The following GSN variants were observed in gnomAD, a reference collection of about 807,000 sequenced individuals.
GSN encodes the protein gelsolin, also known as actin-depolymerizing factor.
GSN carries 56 observed loss-of-function variants against 85.7 expected under a neutral mutation model. The observed-to-expected ratio is 0.65, with a 90% CI of 0.53 to 0.82. The LOEUF (loss-of-function observed/expected upper bound fraction) is 0.82, where lower values mean the gene tolerates loss of function less well. Among genes scored for constraint, GSN ranks in the 40% least tolerant of loss-of-function variants. The probability of loss-of-function intolerance (pLI) is 0.00; values close to 1 mark genes in which losing one functional copy is unlikely to be tolerated. For synonymous variants in GSN, 373 were observed against 399.1 expected (o/e 0.93, Z 0.78); for missense variants, 857 against 979.8 (o/e 0.87, Z 1.67).
rs1188923531 is a variant in GSN at position 121,326,526 on chromosome 9, A to G, written c.1431A>G (p.Gln477=). The change falls in exon 13 of 18, where the codon CAA becomes CAG. Residue 477 remains glutamine (Q), a synonymous_variant. Transcript: ENST00000432226. The stretch of plus-strand genomic sequence containing the variant: ...CTCCCTGCCAGAGCCGTGTGGTCCA[A>G]GGCAAGGAGCCCGCCCACCTCATGA... The part of the protein sequence containing the change: ...GGTPVQSRVV[Q]GKEPAHLMSL... 1 of 1,613,764 alleles carries G rather than the reference A, an allele frequency of 6.2e-7. No individual in the cohort carries two copies. Among genetic ancestry groups the G allele is most frequent in the Admixed American group, 1.7e-5 (1 of 60,016 alleles).
At position 121,321,312 on chromosome 9, in the gene GSN, C is replaced by T. The variant is rs2062415813; in HGVS notation, c.1236C>T (p.Ala412=). The T allele has an allele frequency of 1.9e-6, 3 of 1,613,678 alleles. No individual in the cohort carries two copies. The highest frequency in any genetic ancestry group is 2.2e-5 in the East Asian group (1 of 44,898). The change falls in exon 11 of 18, where the codon GCC becomes GCT. Residue 412 remains alanine (A), a synonymous_variant. Transcript: ENST00000432226. ...CCAACAAGGTGCCCGTGGACCCTGC[C>T]ACATATGGACAGTTCTATGGAGGCG... is the stretch of plus-strand genomic sequence containing the variant. ...EGSNKVPVDP[A]TYGQFYGGDS...
chr9:121,266,449 G>GC (rs1454069506), upstream of GSN, among the ~76,000 whole-genome samples: 1 of 152,190 alleles, frequency 6.6e-6, no homozygotes, highest in East Asian at 1.9e-4. Flanking sequence ...CTTGCATTGG[G>GC]CCCCAGGCAG....
At position 121,281,533 on chromosome 9, in the gene GSN, A is replaced by C. The variant is rs1399200747; in HGVS notation, c.-39A>C. 1 of 435,818 alleles carries C rather than the reference A, an allele frequency of 2.3e-6. No individual in the cohort carries two copies. Among genetic ancestry groups the C allele is most frequent in the South Asian group, 1.7e-5 (1 of 58,032 alleles). 27.0% of individuals were successfully genotyped at this position (435,818 alleles called of 1,614,324 possible). ...TGGTCCCAGCGCCTTCCCACGGAGC[A>C]GCACTCTTCACCCTGCACAGCCTTG... On this transcript the variant is annotated 5_prime_UTR_variant, in exon 2 of 18. Coordinates refer to ENST00000432226, the MANE Select transcript of GSN (RefSeq NM_198252.3).
At chr9:121,328,749 TG>T (rs2133925926) in intron 14 of GSN, 141 bp from the exon 15 acceptor site, 1 of 910,110 alleles carries the variant, frequency 1.1e-6, no homozygotes, top group South Asian at 1.4e-5. Context: ...CTCTTCCCTC[TG>T]GATCTCCTGG....
chr9:121,206,094 A>G (rs2053877167), upstream of GSN, among the ~76,000 whole-genome samples: 1 of 152,084 alleles, frequency 6.6e-6, no homozygotes, highest in East Asian at 1.9e-4. Context: ...GCAGTATTGA[A>G]GATTTAGAAG....
chr9:121,322,232 A>G (rs1225921467), intron 11 of GSN, among the ~76,000 whole-genome samples: 2 of 152,136 alleles, frequency 1.3e-5, no homozygotes, highest in Admixed American at 1.3e-4. Flanking sequence ...GAAAAAAAAT[A>G]CATATGCAAA....
At chr9:121,290,708 A>G (rs898487595) in intron 2 of GSN, among the ~76,000 whole-genome samples, 2 of 152,388 alleles carry the variant, frequency 1.3e-5, no homozygotes, top group Admixed American at 1.3e-4. Flanking sequence ...TCAATGACGA[A>G]AACTGCAATA....
At chr9:121,216,276 C>T (rs2054062433) in intron 4 of GSN, among the ~76,000 whole-genome samples, 1 of 152,168 alleles carries the variant, frequency 6.6e-6, no homozygotes, top group Admixed American at 6.5e-5. Context: ...GCCTCATGGA[C>T]CATCAGAGTG....
chr9:121,250,761 A>G (rs2054807972), intron 6 of GSN, among the ~76,000 whole-genome samples: 1 of 150,702 alleles, frequency 6.6e-6, no homozygotes, highest in Non-Finnish European at 1.5e-5. Flanking sequence ...CTGGTCTCGA[A>G]CTCCCGACCT....
At chr9:121,203,911 T>C (rs1051331391), upstream of GSN, among the ~76,000 whole-genome samples, 1 of 152,280 alleles carries the variant, frequency 6.6e-6, no homozygotes, top group Non-Finnish European at 1.5e-5. Context: ...CCTAGAGGTC[T>C]AGGCTTCTAT....
chr9:121,231,411 T>G (rs983953759), intron 5 of GSN: 3 of 152,216 alleles, frequency 2.0e-5, no homozygotes, highest in Non-Finnish European at 2.9e-5. Flanking sequence ...TACCAAGGAC[T>G]CTACACTTCA....
At chr9:121,208,989 G>A (rs1426372933) in intron 1 of GSN, among the ~76,000 whole-genome samples, 1 of 152,228 alleles carries the variant, frequency 6.6e-6, no homozygotes, top group Non-Finnish European at 1.5e-5. Context: ...CTCTATGCAG[G>A]ACTCTGAATA....
At chr9:121,295,055 G>A (rs143859814) in intron 2 of GSN, among the ~76,000 whole-genome samples, 5 of 152,252 alleles carry the variant, frequency 3.3e-5, no homozygotes, top group Non-Finnish European at 5.9e-5. Flanking sequence ...AATCTGTAAC[G>A]TTTCTCCCGC....
chr9:121,332,630 C>T lies in GSN; in HGVS notation c.*27C>T, dbSNP rs371549019. 16 of 1,593,858 alleles carry T rather than the reference C, an allele frequency of 1.0e-5. No individual in the cohort carries two copies. Among genetic ancestry groups the T allele is most frequent in the East Asian group, 6.7e-5 (3 of 44,550 alleles). ...GAGGGGCAGGGCCCACCCATGTCAC[C>T]GGTCAGTGCCTTTTGGAACTGTCCT... On this transcript the variant is annotated 3_prime_UTR_variant, in exon 18 of 18. Coordinates refer to ENST00000432226, the MANE Select transcript of GSN (RefSeq NM_198252.3). This position sits in a 1 kb window ranked among gnomAD's most constrained non-coding sequence, Gnocchi z 4.8.
At chr9:121,289,341 G>T (rs547300518) in intron 2 of GSN, among the ~76,000 whole-genome samples, 1 of 152,200 alleles carries the variant, frequency 6.6e-6, no homozygotes, top group South Asian at 2.1e-4. Context: ...CAGGCCCCCA[G>T]ATCCCCTCTC....
chr9:121,301,090 T>G (rs1399113150), intron 2 of GSN, among the ~76,000 whole-genome samples: 1 of 152,172 alleles, frequency 6.6e-6, no homozygotes, highest in East Asian at 1.9e-4. Context: ...AGATTGGGGT[T>G]GGATAATGAG....
chr9:121,238,002 A>T (rs2054530605), intron 5 of GSN: 1 of 152,264 alleles, frequency 6.6e-6, no homozygotes, highest in Non-Finnish European at 1.5e-5. Flanking sequence ...GTTTTTAATT[A>T]TAGGTTAACA....
At chr9:121,305,438 G>A (rs542024265) in intron 4 of GSN, among the ~76,000 whole-genome samples, 6 of 152,280 alleles carry the variant, frequency 3.9e-5, no homozygotes, top group Admixed American at 3.3e-4. Context: ...TAGGGTATCT[G>A]TTAGCACCAT....
intron 4 of GSN, among the ~76,000 whole-genome samples, chr9:121,216,008 T>C (rs1460761471): frequency 6.6e-6 from 1 of 152,080 alleles, no homozygotes; most frequent in Non-Finnish European, 1.5e-5. Flanking sequence ...TATTTATTTA[T>C]TTATTTATTA....
Sources: allele counts gnomAD v4.1 joint callset (sites outside exome capture counted in the v4.1 genomes callset), GRCh38; gene constraint gnomAD v4.1.1; non-coding constraint Gnocchi (gnomAD v3.1); transcripts MANE v1.5; gene names NCBI Gene and HGNC (gene_info 2026-07-23, HGNC 2026-07-21).